Variants in CDK14 observed in about 807,000 individuals in gnomAD.
CDK14 encodes cyclin dependent kinase 14.
CDK14 carries 34 observed loss-of-function variants against 60.7 expected under a neutral mutation model. That is an observed-to-expected ratio of 0.56 (90% CI 0.43 to 0.75). CDK14 has a LOEUF of 0.75. CDK14 is among the 30% of genes least tolerant of loss of function. CDK14 has a pLI of 0.00. For missense variants in CDK14, 482 were observed against 564.1 expected (o/e 0.85, Z 1.47); for synonymous variants, 197 against 203.7 (o/e 0.97, Z 0.28).
chr7:90,815,365 G>A (rs1428978532), intron 5 of CDK14, among the ~76,000 whole-genome samples: 1 of 152,202 alleles, frequency 6.6e-6, no homozygotes, highest in African/African-American at 2.4e-5. Context: ...AAACCACTAT[G>A]AGATATCATC....
intron 7 of CDK14, among the ~76,000 whole-genome samples, chr7:90,905,212 G>A (rs1301313229): frequency 6.6e-6 from 1 of 152,170 alleles, no homozygotes; most frequent in Non-Finnish European, 1.5e-5. Context: ...AACTTGCTAA[G>A]CCAGCAGGCT....
chr7:91,039,465 G>A (rs1257341627), intron 10 of CDK14, among the ~76,000 whole-genome samples: 1 of 152,176 alleles, frequency 6.6e-6, no homozygotes, highest in Non-Finnish European at 1.5e-5. Context: ...AGGATGGCCA[G>A]TGAAAAACGT....
At chr7:90,655,151 A>T (rs1179752038) in intron 2 of CDK14, among the ~76,000 whole-genome samples, 1 of 152,150 alleles carries the variant, frequency 6.6e-6, no homozygotes, top group African/African-American at 2.4e-5. Flanking sequence ...ATGTCTTTCC[A>T]TGGCTTGACA....
intron 8 of CDK14, among the ~76,000 whole-genome samples, chr7:90,926,557 C>G (rs1395885663): frequency 6.6e-6 from 1 of 152,152 alleles, no homozygotes; most frequent in Non-Finnish European, 1.5e-5. Context: ...GCCCTGATGC[C>G]TGCCAATGGG....
intron 4 of CDK14, among the ~76,000 whole-genome samples, chr7:90,750,244 A>G (rs951938567): frequency 2.0e-5 from 3 of 152,164 alleles, no homozygotes; most frequent in Middle Eastern, 3.2e-3. Flanking sequence ...TGCAATCTGT[A>G]CAAAAATAAT....
At chr7:91,069,626 A>G (rs1798079110) in intron 11 of CDK14, among the ~76,000 whole-genome samples, 1 of 152,242 alleles carries the variant, frequency 6.6e-6, no homozygotes, top group South Asian at 2.1e-4. Flanking sequence ...TAAGTATTAA[A>G]TCATTAAAAA....
At chr7:90,852,145 C>T (rs944572225) in intron 5 of CDK14, among the ~76,000 whole-genome samples, 20 of 152,184 alleles carry the variant, frequency 1.3e-4, no homozygotes, top group African/African-American at 4.6e-4. Context: ...TGTCCTCCCA[C>T]CTCCACCTTT....
At chr7:91,134,056 T>C (rs1358525045) in intron 14 of CDK14, among the ~76,000 whole-genome samples, 2 of 152,136 alleles carry the variant, frequency 1.3e-5, no homozygotes, top group Non-Finnish European at 2.9e-5. Flanking sequence ...GCATAAGAAT[T>C]TGGGACTCCG....
At chr7:90,922,485 A>G (rs1374039413) in intron 8 of CDK14, among the ~76,000 whole-genome samples, 1 of 152,120 alleles carries the variant, frequency 6.6e-6, no homozygotes, top group Admixed American at 6.5e-5. Flanking sequence ...AAGTATACAT[A>G]TTTTAAAATC....
intron 5 of CDK14, among the ~76,000 whole-genome samples, chr7:90,810,784 C>A (rs1439607529): frequency 6.6e-6 from 1 of 151,824 alleles, no homozygotes; most frequent in Non-Finnish European, 1.5e-5. Context: ...GATACAAAAT[C>A]AATGTACAAA....
intron 5 of CDK14, among the ~76,000 whole-genome samples, chr7:90,862,444 A>G (rs1256049206): frequency 6.6e-6 from 1 of 152,174 alleles, no homozygotes; most frequent in East Asian, 1.9e-4. Flanking sequence ...AAAACGGTCA[A>G]TTCTCAAAGA....
intron 14 of CDK14, among the ~76,000 whole-genome samples, chr7:91,189,411 A>C (rs1802287760): frequency 6.6e-6 from 1 of 152,196 alleles, no homozygotes; most frequent in Admixed American, 6.5e-5. Flanking sequence ...TAAAAGTTAA[A>C]GTTCTCACCC....
chr7:90,717,193 A>G (rs1394711674), intron 2 of CDK14, among the ~76,000 whole-genome samples: 2 of 152,222 alleles, frequency 1.3e-5, no homozygotes, highest in East Asian at 1.9e-4. Flanking sequence ...ATGAAGAAGT[A>G]TAGAAGTCAG....
At chr7:91,195,823 A>G (rs978422298) in intron 14 of CDK14, among the ~76,000 whole-genome samples, 17 of 152,260 alleles carry the variant, frequency 1.1e-4, no homozygotes, top group Non-Finnish European at 4.4e-5. Flanking sequence ...TCCTCTCTGC[A>G]TATAGAAGAA....
chr7:90,865,561 T>C (rs1318611644), intron 6 of CDK14, among the ~76,000 whole-genome samples: 1 of 152,126 alleles, frequency 6.6e-6, no homozygotes, highest in Admixed American at 6.6e-5. Context: ...ATAATAATTA[T>C]TAAACATTAA....
At position 91,074,236 on chromosome 7, in the gene CDK14, T is replaced by G. The variant is rs1385202876; in HGVS notation, c.1106-5196T>G. Among the ~76,000 whole-genome samples, 3 of 152,006 alleles carry G rather than the reference T, an allele frequency of 2.0e-5. 1 individual carries two copies. The highest frequency in any genetic ancestry group is 4.4e-5 in the Non-Finnish European group (3 of 67,972). On this transcript the variant is annotated intron_variant, in intron 11 of 14. Coordinates refer to ENST00000380050, the MANE Select transcript of CDK14 (RefSeq NM_001287135.2). Reference sequence around the variant, plus strand: ...ACATGACACTTTTTCAGAAAACAACTAAATAATTAGAAGTGGAATCACTCC... The same window carrying G: ...ACATGACACTTTTTCAGAAAACAACGAAATAATTAGAAGTGGAATCACTCC...
chr7:90,993,090 C>CT (rs1795585234), intron 10 of CDK14, among the ~76,000 whole-genome samples: 1 of 151,992 alleles, frequency 6.6e-6, no homozygotes, highest in African/African-American at 2.4e-5. Context: ...CCAGAGAGTG[C>CT]TTTTTTTGAA....
chr7:91,132,306 G>A (rs1223304806), intron 14 of CDK14, among the ~76,000 whole-genome samples: 1 of 152,122 alleles, frequency 6.6e-6, no homozygotes, highest in Non-Finnish European at 1.5e-5. Flanking sequence ...TTCAAAAAGA[G>A]GAAACAAACA....
At chr7:90,984,357 G>A in intron 10 of CDK14, 116 bp downstream of exon 10, 3 of 702,438 alleles carry the variant, frequency 4.3e-6, no homozygotes, top group Admixed American at 2.2e-5. Context: ...TGTCACATTT[G>A]GTTCTAACAT....
Sources: gnomAD v4.1 joint callset for allele counts (sites outside exome capture counted in the v4.1 genomes callset) on GRCh38, gnomAD v4.1.1 for gene constraint, MANE v1.5 for transcripts, NCBI Gene and HGNC (gene_info 2026-07-23, HGNC 2026-07-21) for gene names.